The following CBFA2T2 variants were observed in gnomAD, a reference collection of about 807,000 sequenced individuals.
The protein encoded by CBFA2T2 is protein CBFA2T2.
Under a neutral mutation model 62.2 loss-of-function variants are expected in CBFA2T2, and 11 were observed. The ratio of observed to expected loss-of-function variants is 0.18; its 90% CI spans 0.11 to 0.29. The LOEUF (loss-of-function observed/expected upper bound fraction) is 0.29, where lower values mean the gene tolerates loss of function less well. Ranked by LOEUF, CBFA2T2 falls within the 10% of genes least tolerant of loss-of-function variation. CBFA2T2 has a pLI of 1.00. For missense variants in CBFA2T2, 592 were observed against 774.1 expected (o/e 0.76, Z 2.79); for synonymous variants, 295 against 287.5 (o/e 1.03, Z -0.27).
chr20:33,602,430 C>G (rs2015174196), intron 1 of CBFA2T2, among the ~76,000 whole-genome samples: 1 of 133,478 alleles, frequency 7.5e-6, no homozygotes, highest in African/African-American at 3.4e-5. Context: ...CTCTGCCAGT[C>G]TCTGATTAAA....
intron 1 of CBFA2T2, among the ~76,000 whole-genome samples, chr20:33,557,004 CTTTTTTTTTTTT>C (rs751836572): frequency 6.5e-5 from 3 of 46,212 alleles, no homozygotes; most frequent in East Asian, 1.5e-3. Flanking sequence ...GCATGCTTAT[CTTTTTTTTTTTT>C]TTTTTTTTTT....
intron 1 of CBFA2T2, among the ~76,000 whole-genome samples, chr20:33,542,872 C>T (rs1325229181): frequency 3.3e-5 from 5 of 152,054 alleles, no homozygotes; most frequent in Admixed American, 1.3e-4. Context: ...AGGGTCTCCC[C>T]GTGTTGTTCA....
intron 8 of CBFA2T2, among the ~76,000 whole-genome samples, chr20:33,635,785 G>A (rs1290502671): frequency 1.3e-5 from 2 of 152,274 alleles, no homozygotes; most frequent in Admixed American, 1.3e-4. Context: ...GGCTGAGGCA[G>A]GATGACCTGA....
chr20:33,619,660 C>G (rs371085270), intron 4 of CBFA2T2, 54 bp downstream of exon 4: 11 of 1,278,766 alleles, frequency 8.6e-6, no homozygotes, highest in Non-Finnish European at 1.2e-5. Flanking sequence ...TCAAATTCTG[C>G]TAATCCCTGT....
intron 1 of CBFA2T2, among the ~76,000 whole-genome samples, chr20:33,575,886 T>C (rs1265503185): frequency 4.0e-5 from 6 of 151,792 alleles, no homozygotes; most frequent in Non-Finnish European, 5.9e-5. Flanking sequence ...CACACCACTC[T>C]CCTGCCTCAG....
chr20:33,556,979 C>G (rs893768094), intron 1 of CBFA2T2, among the ~76,000 whole-genome samples: 2 of 119,354 alleles, frequency 1.7e-5, no homozygotes, highest in African/African-American at 6.4e-5. Flanking sequence ...CTCTTACTTT[C>G]TTGCCCAAGG....
At chr20:33,531,325 G>A (rs1398665726) in intron 1 of CBFA2T2, among the ~76,000 whole-genome samples, 1 of 152,202 alleles carries the variant, frequency 6.6e-6, no homozygotes, top group Non-Finnish European at 1.5e-5. Context: ...GTTAACTAAA[G>A]CTCAGAGCGG....
chr20:33,621,387 C>A (rs1262919017), intron 4 of CBFA2T2, among the ~76,000 whole-genome samples: 1 of 148,214 alleles, frequency 6.7e-6, no homozygotes, highest in Non-Finnish European at 1.5e-5. Flanking sequence ...ACCTCTGCCT[C>A]CCGAGTTCAA....
At chr20:33,565,447 A>G (rs189919551) in intron 1 of CBFA2T2, among the ~76,000 whole-genome samples, 409 of 152,284 alleles carry the variant, frequency 2.7e-3, no homozygotes, top group Non-Finnish European at 4.9e-3. Context: ...TTTCTGTAGG[A>G]TAGGGCCTAC....
At chr20:33,598,194 A>G (rs1213931471) in intron 1 of CBFA2T2, among the ~76,000 whole-genome samples, 1 of 152,196 alleles carries the variant, frequency 6.6e-6, no homozygotes, top group Non-Finnish European at 1.5e-5. Context: ...GTCATTGATA[A>G]CATCTTATCA....
At chr20:33,628,228 G>T in intron 6 of CBFA2T2, 122 bp from the exon 7 acceptor site, 1 of 687,300 alleles carries the variant, frequency 1.5e-6, no homozygotes, top group South Asian at 1.7e-5. Flanking sequence ...CCACCCCATT[G>T]TGAATCATTG....
chr20:33,512,290 G>T (rs1270454489), intron 1 of CBFA2T2, among the ~76,000 whole-genome samples: 1 of 152,076 alleles, frequency 6.6e-6, no homozygotes, highest in East Asian at 1.9e-4. Flanking sequence ...GGCAAATGTT[G>T]CAGTGAACCA....
intron 6 of CBFA2T2, among the ~76,000 whole-genome samples, chr20:33,627,239 T>G (rs1053624355): frequency 2.6e-5 from 4 of 151,928 alleles, no homozygotes; most frequent in Admixed American, 2.6e-4. Flanking sequence ...CTACTAAAAA[T>G]ACAAAAAATT....
rs2015855687 is a variant in CBFA2T2 at position 33,619,622 on chromosome 20, C to T, written c.510+16C>T. 6.7e-7 allele frequency: 1 copy of T among 1,499,682 alleles called. No individual in the cohort carries two copies. The highest frequency in any genetic ancestry group is 9.2e-7 in the Non-Finnish European group (1 of 1,087,928). 92.9% of individuals were successfully genotyped at this position (1,499,682 alleles called of 1,614,324 possible). ...ATTTCTCAAGGTAATTTGATAATTA[C>T]TGAATATAATTTATCTTGAATATTT... is the stretch of plus-strand genomic sequence containing the variant. On this transcript the variant is annotated intron_variant, in intron 4 of 10. Transcript: ENST00000342704.
At chr20:33,564,143 G>A (rs1276925987) in intron 1 of CBFA2T2, among the ~76,000 whole-genome samples, 1 of 151,964 alleles carries the variant, frequency 6.6e-6, no homozygotes, top group Non-Finnish European at 1.5e-5. Context: ...ATTCCTTAAA[G>A]TTCTTCAGCC....
At chr20:33,495,515 G>A (rs1478530275) in intron 1 of CBFA2T2, among the ~76,000 whole-genome samples, 15 of 151,500 alleles carry the variant, frequency 9.9e-5, no homozygotes, top group African/African-American at 3.2e-4. Flanking sequence ...GTGAAACCCC[G>A]TCCCTACCAA....
intron 1 of CBFA2T2, chr20:33,574,255 T>C (rs753683374): frequency 6.2e-7 from 1 of 1,612,978 alleles, no homozygotes; most frequent in Non-Finnish European, 8.5e-7. Flanking sequence ...GGCAAGGCAA[T>C]GGAAAGGTAT....
intron 1 of CBFA2T2, among the ~76,000 whole-genome samples, chr20:33,503,094 A>C (rs1971669134): frequency 1.4e-5 from 2 of 144,932 alleles, no homozygotes; most frequent in Non-Finnish European, 3.1e-5. Flanking sequence ...CTGTCTCAAA[A>C]AAAAAAAAAA....
chr20:33,586,156 A>G (rs577381775), intron 1 of CBFA2T2, among the ~76,000 whole-genome samples: 1 of 152,218 alleles, frequency 6.6e-6, no homozygotes, highest in South Asian at 2.1e-4. Context: ...CATTATTATC[A>G]CTGGGTTTTC....
Sources: allele counts gnomAD v4.1 joint callset (sites outside exome capture counted in the v4.1 genomes callset), GRCh38; gene constraint gnomAD v4.1.1; transcripts MANE v1.5; gene names NCBI Gene and HGNC (gene_info 2026-07-23, HGNC 2026-07-21).